The following ATXN1 variants were observed in gnomAD, a reference collection of about 807,000 sequenced individuals.
The protein encoded by ATXN1 is ataxin 1.
ATXN1 carries 8 observed loss-of-function variants against 56.4 expected under a neutral mutation model. The ratio of observed to expected loss-of-function variants is 0.14; its 90% CI spans 0.08 to 0.26. The LOEUF (loss-of-function observed/expected upper bound fraction) is 0.26, where lower values mean the gene tolerates loss of function less well. Among genes scored for constraint, ATXN1 ranks in the 10% least tolerant of loss-of-function variants. ATXN1 has a pLI of 1.00. For synonymous variants in ATXN1, 514 were observed against 494.6 expected (o/e 1.04, Z -0.52); for missense variants, 987 against 1,106.5 (o/e 0.89, Z 1.53).
chr6:16,353,067 G>A (rs1761605096), intron 6 of ATXN1, among the ~76,000 whole-genome samples: 2 of 152,122 alleles, frequency 1.3e-5, no homozygotes, highest in Non-Finnish European at 1.5e-5. Context: ...ATGGGGTAAG[G>A]CGTGAGATTT....
At chr6:16,523,832 C>G (rs1185238437) in intron 4 of ATXN1, among the ~76,000 whole-genome samples, 3 of 152,094 alleles carry the variant, frequency 2.0e-5, no homozygotes, top group Non-Finnish European at 4.4e-5. Context: ...ACAGAGGAAG[C>G]CTGAAAGAAA....
chr6:16,324,465 A>AT (rs1760755618), intron 7 of ATXN1, among the ~76,000 whole-genome samples: 1 of 150,620 alleles, frequency 6.6e-6, no homozygotes, highest in Non-Finnish European at 1.5e-5. Context: ...AAAAAAAAAA[A>AT]TGCCCAAAAC....
At position 16,304,140 on chromosome 6, in the gene ATXN1, C is replaced by T. The variant is rs1264968151; in HGVS notation, c.*2189G>A. On this transcript the variant is annotated 3_prime_UTR_variant, in exon 8 of 8. Transcript: ENST00000436367. ...GGTGAACCCTAAATGTAAATGAATA[C>T]TAGACAGCCAAAATGTGGGTTGATA... The T allele has an allele frequency of 6.6e-6, 1 of 152,328 alleles. No individual in the cohort carries two copies. Among genetic ancestry groups the T allele is most frequent in the Non-Finnish European group, 1.5e-5 (1 of 68,016 alleles). 9.4% of individuals were successfully genotyped at this position (152,328 alleles called of 1,614,324 possible).
At chr6:16,523,031 A>T (rs1322383812) in intron 4 of ATXN1, among the ~76,000 whole-genome samples, 1 of 152,092 alleles carries the variant, frequency 6.6e-6, no homozygotes, top group African/African-American at 2.4e-5. Flanking sequence ...CATGCCCACC[A>T]TGATGCTTAT....
chr6:16,614,730 C>G (rs1435761519), intron 3 of ATXN1, among the ~76,000 whole-genome samples: 1 of 151,534 alleles, frequency 6.6e-6, no homozygotes, highest in Non-Finnish European at 1.5e-5. Context: ...TGAGACCAGC[C>G]TGGCGAACAT....
At chr6:16,316,783 G>A (rs530448174) in intron 7 of ATXN1, among the ~76,000 whole-genome samples, 2 of 147,046 alleles carry the variant, frequency 1.4e-5, no homozygotes, top group African/African-American at 2.5e-5. Context: ...AAAACTGAAA[G>A]AATAGTTCTG....
chr6:16,581,693 T>G (rs1198807553), intron 4 of ATXN1, among the ~76,000 whole-genome samples: 1 of 152,176 alleles, frequency 6.6e-6, no homozygotes, highest in Non-Finnish European at 1.5e-5. Flanking sequence ...TAATTATGCA[T>G]GTGCACAAAA....
At position 16,327,622 on chromosome 6, in the gene ATXN1, G is replaced by A; in HGVS notation, c.689C>T (p.Ala230Val). 6.3e-7 allele frequency: 1 copy of A among 1,586,074 alleles called. No individual in the cohort carries two copies. ...QQQQQQHLSR[A>V]PGLITPGSPP... ...GGACCCCGGGGTGATGAGCCCCGGA[G>A]CCCTGCTGAGGTGCTGCTGCTGCTG... The change falls in exon 7 of 8, where the codon GCT (alanine) becomes GTT (valine). Residue 230 changes from alanine to valine, a missense_variant. Coordinates refer to ENST00000436367, the MANE Select transcript of ATXN1 (RefSeq NM_001128164.2).
rs60028007 is a variant in ATXN1, at chr6:16,581,195, C to CTGTGTGTG, written c.-361+4577_-361+4584dup. ...AAAAGACCCCATGTTCGAGAATGCA[C>CTGTGTGTG]TGTGTGTGTGTGTGTGTGTGTGTGT... On this transcript the variant is annotated intron_variant, in intron 4 of 7. Coordinates refer to ENST00000436367, the MANE Select transcript of ATXN1 (RefSeq NM_001128164.2). Among the ~76,000 whole-genome samples, 445 of 140,250 alleles carry CTGTGTGTG rather than the reference C, an allele frequency of 3.2e-3. 1 individual carries two copies. Among genetic ancestry groups the CTGTGTGTG allele is most frequent in the Middle Eastern group, 0.014 (4 of 282 alleles). 92.0% of individuals were successfully genotyped at this position (140,250 alleles called of 152,430 possible).
intron 6 of ATXN1, among the ~76,000 whole-genome samples, chr6:16,355,851 A>G (rs1581710642): frequency 6.6e-6 from 1 of 151,940 alleles, no homozygotes; most frequent in South Asian, 2.1e-4. Context: ...GGCGTGAGGC[A>G]CCACGCCCAG....
chr6:16,651,683 T>G (rs1763895778), intron 3 of ATXN1, among the ~76,000 whole-genome samples: 1 of 152,170 alleles, frequency 6.6e-6, no homozygotes, highest in African/African-American at 2.4e-5. Flanking sequence ...AGGTTTAGAT[T>G]CAAATTGAAG....
chr6:16,693,708 T>TACCTTCAG (rs1471902027), intron 2 of ATXN1, among the ~76,000 whole-genome samples: 1 of 152,158 alleles, frequency 6.6e-6, no homozygotes, highest in African/African-American at 2.4e-5. Flanking sequence ...GACTCTGAAG[T>TACCTTCAG]ACCTTCAGGG....
intron 6 of ATXN1, among the ~76,000 whole-genome samples, chr6:16,342,783 A>G (rs1471625851): frequency 6.6e-6 from 1 of 152,218 alleles, no homozygotes; most frequent in Non-Finnish European, 1.5e-5. Flanking sequence ...CAAAAGAACA[A>G]TATCATATGA....
At chr6:16,727,078 C>T (rs1039534818) in intron 2 of ATXN1, among the ~76,000 whole-genome samples, 4 of 152,158 alleles carry the variant, frequency 2.6e-5, no homozygotes, top group African/African-American at 9.7e-5. Context: ...GAAGTGCCTG[C>T]TCTGGTGTTA....
chr6:16,632,802 G>A (rs570685375), intron 3 of ATXN1, among the ~76,000 whole-genome samples: 1 of 152,148 alleles, frequency 6.6e-6, no homozygotes, highest in Non-Finnish European at 1.5e-5. Context: ...TGGATCACCT[G>A]AGGTCTGGAG....
intron 3 of ATXN1, among the ~76,000 whole-genome samples, chr6:16,624,995 G>C (rs1256827435): frequency 1.3e-5 from 2 of 152,174 alleles, no homozygotes; most frequent in Non-Finnish European, 2.9e-5. Context: ...TTTTTGAACA[G>C]CCTAAGGTTC....
chr6:16,727,218 C>A (rs896663582), intron 2 of ATXN1, among the ~76,000 whole-genome samples: 1 of 152,092 alleles, frequency 6.6e-6, no homozygotes, highest in Admixed American at 6.6e-5. Flanking sequence ...TAATTGTTTA[C>A]AATTTTCAAG....
chr6:16,708,783 T>C (rs910221592), intron 2 of ATXN1, among the ~76,000 whole-genome samples: 3 of 152,134 alleles, frequency 2.0e-5, no homozygotes, highest in African/African-American at 7.2e-5. Flanking sequence ...CCTAGCACTT[T>C]GGGAGGCCAA....
intron 5 of ATXN1, among the ~76,000 whole-genome samples, chr6:16,493,972 C>G (rs1437541504): frequency 6.6e-6 from 1 of 152,180 alleles, no homozygotes; most frequent in East Asian, 1.9e-4. Context: ...AATGCTTCCT[C>G]TGAATGAGCA....
Sources: gnomAD v4.1 joint callset for allele counts (sites outside exome capture counted in the v4.1 genomes callset) on GRCh38, gnomAD v4.1.1 for gene constraint, MANE v1.5 for transcripts, NCBI Gene and HGNC (gene_info 2026-07-23, HGNC 2026-07-21) for gene names.